FXYD3: variants seen among roughly 807,000 people sequenced by gnomAD.
FXYD3 encodes FXYD domain containing ion transport regulator 3.
Under a neutral mutation model 19.2 loss-of-function variants are expected in FXYD3, and 13 were observed. The observed-to-expected ratio is 0.68, with a 90% CI of 0.44 to 1.08. The LOEUF (loss-of-function observed/expected upper bound fraction) is 1.08, where lower values mean the gene tolerates loss of function less well. FXYD3 is among the 50% of genes least tolerant of loss of function. The probability of loss-of-function intolerance (pLI) is 0.00; values close to 1 mark genes in which losing one functional copy is unlikely to be tolerated. For missense variants in FXYD3, 101 were observed against 109.4 expected (o/e 0.92, Z 0.34); for synonymous variants, 48 against 38.9 (o/e 1.23, Z -0.87).
chr19:35,118,625 C>A (rs1201950179), intron 2 of FXYD3: 7 of 984,998 alleles, frequency 7.1e-6, no homozygotes, highest in Non-Finnish European at 8.5e-6. Context: ...GGGCTGGGGA[C>A]CCCGGCTAGG....
At chr19:35,117,628 G>C (rs927287920) in intron 2 of FXYD3, among the ~76,000 whole-genome samples, 19 of 151,646 alleles carry the variant, frequency 1.3e-4, no homozygotes, top group Non-Finnish European at 2.4e-4. Context: ...CCTACAACCT[G>C]TGCCCCTATC....
At chr19:35,117,757 C>CAAAAAAAAAA (rs67977522) in intron 2 of FXYD3, among the ~76,000 whole-genome samples, 8,094 of 65,758 alleles carry the variant, frequency 0.12, 561 homozygotes, top group Middle Eastern at 0.26. Flanking sequence ...TTTCTTCCCG[C>CAAAAAAAAAA]AAAAAAAGGA....
At position 35,124,193 on chromosome 19, in the gene FXYD3, G is replaced by A; in HGVS notation, c.*736G>A. 1 of 152,382 alleles carries A rather than the reference G, an allele frequency of 6.6e-6. No individual in the cohort carries two copies. The highest frequency in any genetic ancestry group is 2.1e-4 in the South Asian group (1 of 4,822). The allele number at this position is 152,382 out of a possible 1,614,324, so 9.4% of individuals were successfully genotyped here. On this transcript the variant is annotated 3_prime_UTR_variant, in exon 9 of 9. Transcript: ENST00000604404. The stretch of plus-strand genomic sequence containing the variant: ...CTTGAGACTCCCCAATACCTAATAA[G>A]GCATGCGAAATGTTCTCATGAACTA...
At chr19:35,121,403 GAACTAGAGGCAGC>G in intron 5 of FXYD3, 158 bp downstream of exon 5, 1 of 1,568,958 alleles carries the variant, frequency 6.4e-7, no homozygotes, top group African/African-American at 1.4e-5. Flanking sequence ...TGGATTAAAG[GAACTAGAGGCAGC>G]AACCTGGCCT....
At chr19:35,119,314 C>T (rs768501155) in intron 2 of FXYD3, 49 bp from the exon 3 acceptor site, 1 of 1,609,278 alleles carries the variant, frequency 6.2e-7, no homozygotes, top group African/African-American at 1.3e-5. Flanking sequence ...GGCACAGGGC[C>T]AGCCTCCCGG....
intron 2 of FXYD3, chr19:35,117,320 T>C: frequency 3.3e-6 from 5 of 1,509,004 alleles, no homozygotes; most frequent in Non-Finnish European, 4.4e-6. Context: ...GAAGGGGGTA[T>C]AGTGGGGCCT....
chr19:35,119,289 G>T, intron 2 of FXYD3, 74 bp from the exon 3 acceptor site: 2 of 1,610,590 alleles, frequency 1.2e-6, no homozygotes, highest in Non-Finnish European at 1.7e-6. Context: ...AGGGGAGGAG[G>T]GTTGGGGAGC....
In FXYD3 at chr19:35,117,333, C is replaced by A. The variant is rs769008616; in HGVS notation, c.-15+974C>A. On this transcript the variant is annotated intron_variant, in intron 2 of 8. Coordinates refer to ENST00000604404, the MANE Select transcript of FXYD3 (RefSeq NM_005971.4). ...GGGAAGGGGGTATAGTGGGGCCTTGCAGGCCAGAGGTGGCTTGGAGGAGCC... is the reference window on the plus strand; with the variant it reads ...GGGAAGGGGGTATAGTGGGGCCTTGAAGGCCAGAGGTGGCTTGGAGGAGCC... 1.2e-4 allele frequency: 181 copies of A among 1,508,744 alleles called. No homozygotes were observed. Among genetic ancestry groups the A allele is most frequent in the Non-Finnish European group, 1.5e-4 (169 of 1,130,024 alleles). The allele number at this position is 1,508,744 out of a possible 1,614,324, so 93.5% of individuals were successfully genotyped here. A position where few individuals can be genotyped will look rare whatever the true frequency, so the allele number is the denominator to read the frequency against.
intron 5 of FXYD3, among the ~76,000 whole-genome samples, chr19:35,122,452 G>A (rs904920768): frequency 1.3e-5 from 2 of 152,304 alleles, no homozygotes; most frequent in South Asian, 4.1e-4. Flanking sequence ...ACCATGTCTA[G>A]CCAAAAACGC....
intron 7 of FXYD3, 113 bp downstream of exon 7, chr19:35,123,067 C>T: frequency 6.8e-7 from 1 of 1,461,480 alleles, no homozygotes. Context: ...AGAGTTCCTG[C>T]CGCTAAGATT....
chr19:35,122,904 G>A lies in FXYD3; in HGVS notation c.173-14G>A. On this transcript the variant is annotated splice_polypyrimidine_tract_variant and intron_variant, in intron 6 of 8. Coordinates refer to ENST00000604404, the MANE Select transcript of FXYD3 (RefSeq NM_005971.4). ...GGGGCTCCCCTCCCCTGACCACTCAGCTCTCCCCAACAGGTGCAAAATGCA... is the reference window on the plus strand; with the variant it reads ...GGGGCTCCCCTCCCCTGACCACTCAACTCTCCCCAACAGGTGCAAAATGCA... 6.2e-7 allele frequency: 1 copy of A among 1,613,282 alleles called. No individual in the cohort carries two copies. Among genetic ancestry groups the A allele is most frequent in the Non-Finnish European group, 8.5e-7 (1 of 1,179,610 alleles).
chr19:35,117,259 G>T, intron 2 of FXYD3: 2 of 1,491,940 alleles, frequency 1.3e-6, no homozygotes, highest in Non-Finnish European at 1.8e-6. Context: ...TTTTGCAGAG[G>T]CTGGGGCGAG....
At chr19:35,117,323 T>C (rs547349021) in intron 2 of FXYD3, 1 of 1,510,136 alleles carries the variant, frequency 6.6e-7, no homozygotes, top group Non-Finnish European at 8.8e-7. Flanking sequence ...GGGGGTATAG[T>C]GGGGCCTTGC....
chr19:35,121,648 C>A, intron 5 of FXYD3: 1 of 684,190 alleles, frequency 1.5e-6, no homozygotes, highest in Non-Finnish European at 2.0e-6. Flanking sequence ...CTCCTCATTC[C>A]TTCTGCTCCA....
chr19:35,121,037 C>A (rs986643198), intron 3 of FXYD3, 41 bp from the exon 4 acceptor site: 1 of 1,610,908 alleles, frequency 6.2e-7, no homozygotes, highest in Non-Finnish European at 8.5e-7. Context: ...TGGCTGAGGC[C>A]GGCATCACCA....
At chr19:35,122,679 T>C (rs1267759624) in intron 5 of FXYD3, 86 bp from the exon 6 acceptor site, 2 of 1,084,506 alleles carry the variant, frequency 1.8e-6, no homozygotes, top group Non-Finnish European at 2.8e-6. Flanking sequence ...GCATCCTAGG[T>C]GCTCCATATA....
rs765800422 is a variant in FXYD3, at chr19:35,123,304, C to T, written c.243C>T (p.Thr81=). Residue 81 remains threonine, a synonymous_variant, in exon 8 of 9, where the codon ACC becomes ACT. Transcript: ENST00000604404. Reference sequence around the variant, plus strand: ...CAGGGGAGACTCCACCTCTCATCACCCCAGGTAAGATGGGGCAGCATGGGG... The same window carrying T: ...CAGGGGAGACTCCACCTCTCATCACTCCAGGTAAGATGGGGCAGCATGGGG... ...HHPGETPPLI[T]PGSAQS 1.4e-5 allele frequency: 22 copies of T among 1,609,796 alleles called. No individual in the cohort carries two copies. In the South Asian group the frequency reaches 2.3e-4, roughly 17 times the overall value.
At chr19:35,123,163 A>G in intron 7 of FXYD3, 108 bp from the exon 8 acceptor site, 3 of 1,503,850 alleles carry the variant, frequency 2.0e-6, no homozygotes, top group Non-Finnish European at 2.7e-6. Context: ...CAACCCCCCA[A>G]ATGGAAAGGC....
chr19:35,117,544 A>G (rs536379662), intron 2 of FXYD3, among the ~76,000 whole-genome samples: 1 of 151,966 alleles, frequency 6.6e-6, no homozygotes, highest in South Asian at 2.1e-4. Flanking sequence ...TGGGGTAGAC[A>G]CTCAATAAGC....
Sources: allele counts gnomAD v4.1 joint callset (sites outside exome capture counted in the v4.1 genomes callset), GRCh38; gene constraint gnomAD v4.1.1; transcripts MANE v1.5; gene names NCBI Gene and HGNC (gene_info 2026-07-23, HGNC 2026-07-21).